C3orf70: variants seen among roughly 807,000 people sequenced by gnomAD.
The protein encoded by C3orf70 is chromosome 3 open reading frame 70.
A neutral mutation model predicts 20.7 loss-of-function variants in C3orf70; 15 were observed. That is an observed-to-expected ratio of 0.72 (90% CI 0.48 to 1.11). The LOEUF is 1.11. Among genes scored for constraint, C3orf70 ranks in the 50% most tolerant of loss-of-function variants. The probability of loss-of-function intolerance (pLI) is 0.00; values close to 1 mark genes in which losing one functional copy is unlikely to be tolerated. For missense variants in C3orf70, 332 were observed against 317.6 expected (o/e 1.05, Z -0.34); for synonymous variants, 161 against 125.7 (o/e 1.28, Z -1.88).
At chr3:185,098,931 G>A (rs1274711620) in intron 1 of C3orf70, among the ~76,000 whole-genome samples, 5 of 152,156 alleles carry the variant, frequency 3.3e-5, no homozygotes, top group African/African-American at 1.2e-4. Context: ...CGGCCTGTCT[G>A]CTGGCCCACA....
chr3:185,091,100 T>C (rs1715560335), intron 1 of C3orf70, among the ~76,000 whole-genome samples: 1 of 151,682 alleles, frequency 6.6e-6, no homozygotes, highest in Non-Finnish European at 1.5e-5. Context: ...TATGTAGTCA[T>C]GCTTCTATAG....
chr3:185,077,799 G>GGGGGGA lies in C3orf70; in HGVS notation c.*5207_*5208insTCCCCC, dbSNP rs1715230755. Among the ~76,000 whole-genome samples the GGGGGGA allele has an allele frequency of 6.8e-6, 1 of 147,430 alleles. No homozygotes were observed. Among genetic ancestry groups the GGGGGGA allele is most frequent in the Non-Finnish European group, 1.5e-5 (1 of 67,024 alleles). The stretch of plus-strand genomic sequence containing the variant: ...GCTATTTGGTGGTGGTGGGGGGGGG[G>GGGGGGA]TATCAAGTTTTATTTGCTATAAACC... On this transcript the variant is annotated 3_prime_UTR_variant, in exon 2 of 2. Transcript: ENST00000335012.
intron 1 of C3orf70, among the ~76,000 whole-genome samples, chr3:185,127,145 G>A (rs1267303984): frequency 6.6e-6 from 1 of 151,904 alleles, no homozygotes; most frequent in African/African-American, 2.4e-5. Context: ...TATCATTTTG[G>A]GCTGTCTATC....
At chr3:185,087,859 A>G (rs916111826) in intron 1 of C3orf70, among the ~76,000 whole-genome samples, 1 of 152,096 alleles carries the variant, frequency 6.6e-6, no homozygotes, top group Non-Finnish European at 1.5e-5. Context: ...CCTGAGGTAA[A>G]CTGCATGCAT....
chr3:185,097,901 G>T (rs1456653023), intron 1 of C3orf70, among the ~76,000 whole-genome samples: 1 of 152,198 alleles, frequency 6.6e-6, no homozygotes, highest in Non-Finnish European at 1.5e-5. Flanking sequence ...TATGTGTGTA[G>T]AAACTTACAA....
At chr3:185,097,028 T>C (rs996852800) in intron 1 of C3orf70, among the ~76,000 whole-genome samples, 12 of 152,164 alleles carry the variant, frequency 7.9e-5, no homozygotes, top group Admixed American at 4.6e-4. Context: ...GGGGACTGCA[T>C]AGAATTTCCT....
chr3:185,117,897 C>T (rs13433709), intron 1 of C3orf70, among the ~76,000 whole-genome samples: 7,896 of 152,126 alleles, frequency 0.052, 666 homozygotes, highest in African/African-American at 0.18. Flanking sequence ...TTTGTATAAT[C>T]TTTGTTTATG....
intron 1 of C3orf70, among the ~76,000 whole-genome samples, chr3:185,131,590 C>A (rs1241190630): frequency 6.6e-6 from 1 of 152,046 alleles, no homozygotes; most frequent in Admixed American, 6.6e-5. Flanking sequence ...AAATGGTATA[C>A]CAGGCAACCT....
intron 1 of C3orf70, among the ~76,000 whole-genome samples, chr3:185,138,684 C>G (rs566621480): frequency 3.3e-5 from 5 of 152,082 alleles, no homozygotes; most frequent in Non-Finnish European, 4.4e-5. Context: ...AAGCATCTGA[C>G]AAAACTTAAT....
At chr3:185,127,817 C>A (rs1716444565) in intron 1 of C3orf70, among the ~76,000 whole-genome samples, 1 of 152,080 alleles carries the variant, frequency 6.6e-6, no homozygotes, top group Non-Finnish European at 1.5e-5. Context: ...TGTGAACAAT[C>A]TAGAGTAGAT....
intron 1 of C3orf70, among the ~76,000 whole-genome samples, chr3:185,084,948 C>A (rs1460039659): frequency 6.6e-6 from 1 of 152,152 alleles, no homozygotes; most frequent in East Asian, 1.9e-4. Context: ...ACATTGTTGA[C>A]AGGGCTTTTA....
chr3:185,115,562 G>A (rs1200521626), intron 1 of C3orf70, among the ~76,000 whole-genome samples: 1 of 151,982 alleles, frequency 6.6e-6, no homozygotes, highest in Non-Finnish European at 1.5e-5. Context: ...GGCAAATTTG[G>A]AAAAAAACAA....
Position 185,082,712 on chromosome 3 carries a change from A to G in C3orf70, c.*295T>C, listed in dbSNP as rs1312879415. On this transcript the variant is annotated 3_prime_UTR_variant, in exon 2 of 2. Transcript: ENST00000335012. ...ATCTGATCCAAGATTCTCTGCGACCATCACTTCACCGCCTTCAAATCTCCC... is the reference window on the plus strand; with the variant it reads ...ATCTGATCCAAGATTCTCTGCGACCGTCACTTCACCGCCTTCAAATCTCCC... The G allele has an allele frequency of 5.9e-6, 2 of 338,822 alleles. No homozygotes were observed. The highest frequency in any genetic ancestry group is 1.1e-5 in the Non-Finnish European group (2 of 185,300). The allele number at this position is 338,822 out of a possible 1,614,324, so 21.0% of individuals were successfully genotyped here.
At chr3:185,105,793 G>C (rs1228987964) in intron 1 of C3orf70, among the ~76,000 whole-genome samples, 1 of 152,194 alleles carries the variant, frequency 6.6e-6, no homozygotes, top group Non-Finnish European at 1.5e-5. Flanking sequence ...ACTAGCTGGA[G>C]GACACCAGAG....
At chr3:185,103,037 G>T (rs927657657) in intron 1 of C3orf70, among the ~76,000 whole-genome samples, 1 of 152,022 alleles carries the variant, frequency 6.6e-6, no homozygotes, top group Non-Finnish European at 1.5e-5. Flanking sequence ...CTGAGGTCAG[G>T]GGTTCGAGAC....
intron 1 of C3orf70, among the ~76,000 whole-genome samples, chr3:185,103,118 G>A (rs1049073362): frequency 9.9e-5 from 15 of 152,072 alleles, no homozygotes; most frequent in African/African-American, 3.4e-4. Flanking sequence ...GGTGGCACCT[G>A]CCTGTAATCC....
At chr3:185,142,182 GGGCACAGT>G (rs1214622991) in intron 1 of C3orf70, among the ~76,000 whole-genome samples, 1 of 152,150 alleles carries the variant, frequency 6.6e-6, no homozygotes, top group Non-Finnish European at 1.5e-5. Context: ...CAATTTGGCT[GGGCACAGT>G]GGCTCATGCC....
chr3:185,115,936 G>A (rs9829936), intron 1 of C3orf70, among the ~76,000 whole-genome samples: 23 of 152,094 alleles, frequency 1.5e-4, no homozygotes, highest in Admixed American at 1.2e-3. Flanking sequence ...AGGTCTCACC[G>A]CTCCTAAAAC....
intron 1 of C3orf70, among the ~76,000 whole-genome samples, chr3:185,115,220 C>A (rs925074112): frequency 6.6e-6 from 1 of 152,060 alleles, no homozygotes; most frequent in African/African-American, 2.4e-5. Flanking sequence ...ACTAAATAAT[C>A]TTTAAGGTCC....
Sources: gnomAD v4.1 joint callset for allele counts (sites outside exome capture counted in the v4.1 genomes callset) on GRCh38, gnomAD v4.1.1 for gene constraint, MANE v1.5 for transcripts, NCBI Gene and HGNC (gene_info 2026-07-23, HGNC 2026-07-21) for gene names.